DCC: variants seen among roughly 807,000 people sequenced by gnomAD.
DCC encodes netrin receptor DCC.
A neutral mutation model predicts 172.5 loss-of-function variants in DCC; 58 were observed. That is an observed-to-expected ratio of 0.34 (90% confidence interval 0.27 to 0.42). The LOEUF is 0.42. DCC is among the 10% of genes least tolerant of loss of function. DCC has a pLI of 1.00. For synonymous variants in DCC, 709 were observed against 644.5 expected (o/e 1.10, Z -1.52); for missense variants, 1,740 against 1,791.0 (o/e 0.97, Z 0.51).
At chr18:53,121,709 C>T (rs1036976390) in intron 7 of DCC, among the ~76,000 whole-genome samples, 1 of 151,822 alleles carries the variant, frequency 6.6e-6, no homozygotes, top group Non-Finnish European at 1.5e-5. Flanking sequence ...AGGTGCTTGA[C>T]ACTGTGGTTA....
chr18:53,479,948 G>A (rs1047233953), intron 25 of DCC, among the ~76,000 whole-genome samples: 1 of 152,102 alleles, frequency 6.6e-6, no homozygotes, highest in Non-Finnish European at 1.5e-5. Flanking sequence ...ACAATTTGTT[G>A]TGGAAATCTT....
chr18:53,432,609 G>A (rs1911688491), intron 21 of DCC, among the ~76,000 whole-genome samples: 1 of 152,108 alleles, frequency 6.6e-6, no homozygotes, highest in Non-Finnish European at 1.5e-5. Flanking sequence ...ACAGCAACAA[G>A]CTCTTAAAAA....
chr18:53,466,879 G>A (rs1025577974), intron 24 of DCC, among the ~76,000 whole-genome samples: 1 of 152,186 alleles, frequency 6.6e-6, no homozygotes, highest in Non-Finnish European at 1.5e-5. Context: ...TGTAGGATGT[G>A]TGGACAGAGT....
intron 5 of DCC, among the ~76,000 whole-genome samples, chr18:52,986,191 G>T (rs1223436386): frequency 6.6e-6 from 1 of 152,144 alleles, no homozygotes; most frequent in Non-Finnish European, 1.5e-5. Flanking sequence ...AGTTCTAGGA[G>T]GACTAGCAGT....
chr18:53,490,907 T>C (rs4625792), intron 26 of DCC, among the ~76,000 whole-genome samples: 152,360 of 152,360 alleles, frequency 1, 76,180 homozygotes, highest in Non-Finnish European at 1. Context: ...TACCTGTTCA[T>C]TGTATTCATT....
At chr18:53,239,336 G>A (rs183052390) in intron 12 of DCC, among the ~76,000 whole-genome samples, 233 of 151,984 alleles carry the variant, frequency 1.5e-3, no homozygotes, top group African/African-American at 5.4e-3. Context: ...ACCCTTTATG[G>A]TTCCTCCCAG....
chr18:52,576,377 T>A (rs1392268001), intron 1 of DCC, among the ~76,000 whole-genome samples: 1 of 152,194 alleles, frequency 6.6e-6, no homozygotes, highest in Non-Finnish European at 1.5e-5. Context: ...GACTTTTATT[T>A]TTTTATCGTG....
chr18:52,918,922 A>G (rs1373567061), intron 3 of DCC, among the ~76,000 whole-genome samples: 1 of 152,196 alleles, frequency 6.6e-6, no homozygotes, highest in Non-Finnish European at 1.5e-5. Context: ...AATAAACTAA[A>G]AAATTTAATG....
chr18:53,490,633 G>A (rs2045950629), intron 26 of DCC, among the ~76,000 whole-genome samples: 1 of 152,152 alleles, frequency 6.6e-6, no homozygotes. Context: ...ATGGACAAAA[G>A]CAGGTTTCTT....
intron 5 of DCC, among the ~76,000 whole-genome samples, chr18:53,057,367 C>T (rs1051437244): frequency 6.6e-6 from 1 of 151,928 alleles, no homozygotes; most frequent in Non-Finnish European, 1.5e-5. Context: ...TGGAAGTCTC[C>T]CTTATGTATT....
At position 52,983,627 on chromosome 18, in the gene DCC, A is replaced by T. The variant is rs531206711; in HGVS notation, c.985+58257A>T. Among the ~76,000 whole-genome samples the T allele has an allele frequency of 2.0e-5, 3 of 152,244 alleles. No homozygotes were observed. In the East Asian group the frequency reaches 5.8e-4, roughly 29 times the overall value. ...TTTTATCTGAATGTTTGTAACTAAG[A>T]CGTAACTAGAGAAGATCCAGCATAC... On this transcript the variant is annotated intron_variant, in intron 5 of 28. Coordinates refer to ENST00000442544, the MANE Select transcript of DCC (RefSeq NM_005215.4).
intron 1 of DCC, among the ~76,000 whole-genome samples, chr18:52,580,569 G>A (rs1430253324): frequency 2.0e-5 from 3 of 152,084 alleles, no homozygotes; most frequent in African/African-American, 4.8e-5. Context: ...AAATTACACA[G>A]ACAAATTATT....
intron 25 of DCC, among the ~76,000 whole-genome samples, chr18:53,475,856 G>T (rs933238568): frequency 2.6e-5 from 4 of 152,154 alleles, no homozygotes; most frequent in African/African-American, 7.2e-5. Context: ...TGGAAGAGCT[G>T]CAGACACTCA....
chr18:52,359,769 G>A (rs1279541661), intron 1 of DCC, among the ~76,000 whole-genome samples: 1 of 152,122 alleles, frequency 6.6e-6, no homozygotes, highest in African/African-American at 2.4e-5. Flanking sequence ...ACACTGTAAT[G>A]GGGTTTCTGT....
chr18:52,387,617 TC>T (rs1985861802), intron 1 of DCC, among the ~76,000 whole-genome samples: 1 of 151,114 alleles, frequency 6.6e-6, no homozygotes, highest in Admixed American at 6.6e-5. Flanking sequence ...CTTCCTTCCT[TC>T]CTTCCTTCCT....
At chr18:52,692,623 G>C (rs1192178201) in intron 1 of DCC, among the ~76,000 whole-genome samples, 1 of 136,010 alleles carries the variant, frequency 7.4e-6, no homozygotes, top group African/African-American at 3.1e-5. Flanking sequence ...GTAGAGAGAG[G>C]GTTTCACTAT....
intron 15 of DCC, among the ~76,000 whole-genome samples, chr18:53,355,184 A>C (rs943529228): frequency 6.6e-6 from 1 of 152,086 alleles, no homozygotes; most frequent in East Asian, 1.9e-4. Flanking sequence ...GTAGGCTTGT[A>C]GTATAGTTTG....
chr18:52,610,431 A>AC (rs1332488205), intron 1 of DCC, among the ~76,000 whole-genome samples: 1 of 147,734 alleles, frequency 6.8e-6, no homozygotes, highest in Non-Finnish European at 1.5e-5. Context: ...AAAAAAAAAA[A>AC]CACCTAAAAT....
At position 53,149,339 on chromosome 18, in the gene DCC, C is replaced by T. The variant is rs115746638; in HGVS notation, c.1262-8017C>T. ...TGAGCAGCCCTTAGACTCCACTTCT[C>T]ATTATCACTTAACAACTCTGTACAC... On this transcript the variant is annotated intron_variant, in intron 7 of 28. Coordinates refer to ENST00000442544, the MANE Select transcript of DCC (RefSeq NM_005215.4). 3.5e-3 allele frequency among the ~76,000 whole-genome samples: 537 copies of T among 152,278 alleles called. 3 individuals carry two copies. Among genetic ancestry groups the T allele is most frequent in the African/African-American group, 0.012 (516 of 41,552 alleles).
Sources: gnomAD v4.1 joint callset for allele counts (sites outside exome capture counted in the v4.1 genomes callset) on GRCh38, gnomAD v4.1.1 for gene constraint, MANE v1.5 for transcripts, NCBI Gene and HGNC (gene_info 2026-07-23, HGNC 2026-07-21) for gene names.